TSPAN9: variants seen among roughly 807,000 people sequenced by gnomAD.
The protein encoded by TSPAN9 is tetraspanin-9.
In TSPAN9, 16 loss-of-function variants were observed where a neutral mutation model predicts 31.0. That is an observed-to-expected ratio of 0.52 (90% confidence interval 0.35 to 0.78). TSPAN9 has a LOEUF of 0.78. Ranked by LOEUF, TSPAN9 falls within the 30% of genes least tolerant of loss-of-function variation. The probability of loss-of-function intolerance (pLI) is 0.01; values close to 1 mark genes in which losing one functional copy is unlikely to be tolerated. For missense variants in TSPAN9, 272 were observed against 312.5 expected (o/e 0.87, Z 0.98); for synonymous variants, 145 against 121.6 (o/e 1.19, Z -1.27).
In TSPAN9 at chr12:3,143,038, C is replaced by G. The variant is rs1029962959; in HGVS notation, c.-17-58139C>G. ...GGACGGTTTTTCACTCTGGCTCTGT[C>G]TGGCATTTTCTCATGGTTAGACTGA... is the stretch of plus-strand genomic sequence containing the variant. On this transcript the variant is annotated intron_variant, in intron 2 of 8. Transcript: ENST00000011898. The surrounding 1 kb of genome is among the most constrained non-coding windows in gnomAD (Gnocchi z 4.2). 1.3e-5 allele frequency among the ~76,000 whole-genome samples: 2 copies of G among 152,016 alleles called. No homozygotes were observed. The highest frequency in any genetic ancestry group is 4.8e-5 in the African/African-American group (2 of 41,390).
At position 3,192,141 on chromosome 12, in the gene TSPAN9, G is replaced by T. The variant is rs191336943; in HGVS notation, c.-17-9036G>T. 6.6e-6 allele frequency among the ~76,000 whole-genome samples: 1 copy of T among 152,246 alleles called. No homozygotes were observed. The highest frequency in any genetic ancestry group is 1.5e-5 in the Non-Finnish European group (1 of 68,026). On this transcript the variant is annotated intron_variant, in intron 2 of 8. Coordinates refer to ENST00000011898, the MANE Select transcript of TSPAN9 (RefSeq NM_006675.5). The surrounding 1 kb of genome is among the most constrained non-coding windows in gnomAD (Gnocchi z 4.6). ...GACGGGGGCTGGAGAGAAAGGCAGG[G>T]ATCAGTCATGCCGGCCGTTTAGGGT...
intron 2 of TSPAN9, among the ~76,000 whole-genome samples, chr12:3,157,671 C>T (rs1297603880): frequency 6.6e-6 from 1 of 152,212 alleles, no homozygotes; most frequent in East Asian, 1.9e-4. Flanking sequence ...GTCATCTGTC[C>T]TGCTGGAGGT....
At chr12:3,181,031 CA>C (rs2098358337) in intron 2 of TSPAN9, among the ~76,000 whole-genome samples, 1 of 148,888 alleles carries the variant, frequency 6.7e-6, no homozygotes, top group African/African-American at 2.5e-5. Flanking sequence ...GGAGACTGGA[CA>C]GGGGGCTTCG....
chr12:3,151,254 T>C lies in TSPAN9; in HGVS notation c.-17-49923T>C, dbSNP rs73050183. ...GGAGGCTCTCATATTGCATTACCTA[T>C]GTTGCTAGTTTCTGGCTGCCAGTTT... On this transcript the variant is annotated intron_variant, in intron 2 of 8. Coordinates refer to ENST00000011898, the MANE Select transcript of TSPAN9 (RefSeq NM_006675.5). 8.1e-3 allele frequency: 1,232 copies of C among 152,532 alleles called. 6 individuals are homozygous for C. The highest frequency in any genetic ancestry group is 0.013 in the Non-Finnish European group (887 of 68,174). The allele number at this position is 152,532 out of a possible 1,614,324, so 9.4% of individuals were successfully genotyped here.
At chr12:3,211,861 G>T (rs1311745128) in intron 3 of TSPAN9, 5 of 1,595,082 alleles carry the variant, frequency 3.1e-6, no homozygotes, top group Non-Finnish European at 4.2e-6. Context: ...GTTTCTTCTT[G>T]TGTTTCCTCT....
chr12:3,281,212 T>G lies in TSPAN9; in HGVS notation c.447T>G (p.Gly149=). The G allele has an allele frequency of 1.3e-6, 2 of 1,551,136 alleles. No homozygotes were observed. Among genetic ancestry groups the G allele is most frequent in the Non-Finnish European group, 1.7e-6 (2 of 1,146,930 alleles). The change falls in exon 7 of 9, where the codon GGT becomes GGG. Residue 149 remains glycine, a synonymous_variant. Transcript: ENST00000011898. Reference sequence around the variant, plus strand: ...CTGCTGGCCAGATGCGATGCTGTGGTGTCACTGACTACACAGACTGGTACC... The same window carrying G: ...CTGCTGGCCAGATGCGATGCTGTGGGGTCACTGACTACACAGACTGGTACC... The part of the protein sequence containing the change: ...NIIQAEMRCC[G]VTDYTDWYPV...
intron 2 of TSPAN9, among the ~76,000 whole-genome samples, chr12:3,154,018 G>A (rs200435480): frequency 0.17 from 3,634 of 21,056 alleles, 57 homozygotes; most frequent in South Asian, 0.31. Context: ...ATATGTGTGT[G>A]TGTGTGTGTG....
chr12:3,081,917 A>T (rs936945546), intron 1 of TSPAN9, among the ~76,000 whole-genome samples: 7 of 150,190 alleles, frequency 4.7e-5, no homozygotes, highest in Non-Finnish European at 8.9e-5. Context: ...GGATCGCTTG[A>T]GTTCAGGAGT....
chr12:3,182,655 G>A (rs2098359079), intron 2 of TSPAN9, among the ~76,000 whole-genome samples: 1 of 152,184 alleles, frequency 6.6e-6, no homozygotes, highest in Non-Finnish European at 1.5e-5. Context: ...AGGTCTGTCC[G>A]CAAAGAGAGA....
intron 3 of TSPAN9, among the ~76,000 whole-genome samples, chr12:3,220,159 AG>A (rs1431958699): frequency 1.4e-5 from 2 of 140,442 alleles, no homozygotes; most frequent in Non-Finnish European, 3.1e-5. Context: ...AAAAAAAAAA[AG>A]GAATGAATCT....
At chr12:3,134,843 G>A (rs2098331355) in intron 2 of TSPAN9, among the ~76,000 whole-genome samples, 2 of 152,182 alleles carry the variant, frequency 1.3e-5, no homozygotes, top group South Asian at 4.2e-4. Context: ...GGGTGGATGA[G>A]GGTGATGGCG....
chr12:3,162,246 G>A (rs1350227245), intron 2 of TSPAN9, among the ~76,000 whole-genome samples: 1 of 152,218 alleles, frequency 6.6e-6, no homozygotes, highest in Non-Finnish European at 1.5e-5. Context: ...GAAGCAGCCT[G>A]AGGCCTCAGC....
At chr12:3,265,396 A>G (rs373058308) in intron 3 of TSPAN9, among the ~76,000 whole-genome samples, 1 of 152,230 alleles carries the variant, frequency 6.6e-6, no homozygotes, top group Non-Finnish European at 1.5e-5. Context: ...GACACGGTAC[A>G]TGAAAGCGCC....
intron 3 of TSPAN9, among the ~76,000 whole-genome samples, chr12:3,247,311 C>CCCCCCCCA (rs1862156566): frequency 1.7e-5 from 1 of 57,860 alleles, no homozygotes. Flanking sequence ...CCCCCCCCCC[C>CCCCCCCCA]CGCCACCCGC....
intron 2 of TSPAN9, among the ~76,000 whole-genome samples, chr12:3,108,054 G>A (rs1003400842): frequency 7.3e-5 from 11 of 151,660 alleles, no homozygotes; most frequent in South Asian, 2.1e-4. Context: ...CTAACTAAGC[G>A]TTCCCCTCTG....
intron 2 of TSPAN9, among the ~76,000 whole-genome samples, chr12:3,142,148 G>A (rs140554843): frequency 4.5e-4 from 68 of 152,286 alleles, no homozygotes; most frequent in African/African-American, 1.6e-3. Flanking sequence ...GACTGAGATT[G>A]TCACCGCTCT....
intron 3 of TSPAN9, among the ~76,000 whole-genome samples, chr12:3,238,044 TTCCCTCCTCTTCCC>T (rs1235680650): frequency 6.6e-6 from 1 of 152,012 alleles, no homozygotes; most frequent in Non-Finnish European, 1.5e-5. Context: ...CTCCTCTTCC[TTCCCTCCTCTTCCC>T]TCCCCAGTCA....
chr12:3,207,640 G>A (rs766442603), intron 3 of TSPAN9, among the ~76,000 whole-genome samples: 2 of 152,190 alleles, frequency 1.3e-5, no homozygotes, highest in Non-Finnish European at 2.9e-5. Context: ...CCTCTCCTGT[G>A]CGCCCCAGCA....
In TSPAN9 at chr12:3,283,484, C is replaced by G. The variant is rs1419130106; in HGVS notation, c.*368C>G. Reference sequence around the variant, plus strand: ...ATGGGGTGGGGAGCAGAGTGCCCGCCCCGTGGAGATACCGCCCCAGCGGGG... The same window carrying G: ...ATGGGGTGGGGAGCAGAGTGCCCGCGCCGTGGAGATACCGCCCCAGCGGGG... On this transcript the variant is annotated 3_prime_UTR_variant, in exon 9 of 9. Coordinates refer to ENST00000011898, the MANE Select transcript of TSPAN9 (RefSeq NM_006675.5). 1.1e-5 allele frequency: 2 copies of G among 187,148 alleles called. No homozygotes were observed. The highest frequency in any genetic ancestry group is 4.7e-5 in the African/African-American group (2 of 42,692). 11.6% of individuals were successfully genotyped at this position (187,148 alleles called of 1,614,324 possible). A position where few individuals can be genotyped will look rare whatever the true frequency, so the allele number is the denominator to read the frequency against.
Sources: gnomAD v4.1 joint callset for allele counts (sites outside exome capture counted in the v4.1 genomes callset) on GRCh38, gnomAD v4.1.1 for gene constraint, Gnocchi (gnomAD v3.1) non-coding constraint, MANE v1.5 for transcripts, NCBI Gene and HGNC (gene_info 2026-07-23, HGNC 2026-07-21) for gene names.